The following LRRN3 variants were observed in gnomAD, a reference collection of about 807,000 sequenced individuals.
LRRN3 encodes the protein leucine-rich repeat neuronal protein 3.
LRRN3 carries 15 observed loss-of-function variants against 40.1 expected under a neutral mutation model. The observed-to-expected ratio is 0.37, with a 90% confidence interval of 0.25 to 0.58. The LOEUF (loss-of-function observed/expected upper bound fraction) is 0.58. Among genes scored for constraint, LRRN3 ranks in the 20% least tolerant of loss-of-function variants. The pLI is 0.72. For missense variants in LRRN3, 746 were observed against 837.7 expected, an observed-to-expected ratio of 0.89 and a Z score of 1.35; for synonymous variants, 308 against 297.2, an observed-to-expected ratio of 1.04 and a Z score of -0.37.
chr7:111,105,341 C>T (rs1004170856), intron 2 of LRRN3, among the ~76,000 whole-genome samples: 4 of 151,812 alleles, frequency 2.6e-5, no homozygotes, highest in Non-Finnish European at 5.9e-5. Flanking sequence ...CTCAGAAACT[C>T]CGAAATTATG....
At chr7:111,119,356 C>T (rs1800298970) in intron 2 of LRRN3, among the ~76,000 whole-genome samples, 1 of 152,158 alleles carries the variant, frequency 6.6e-6, no homozygotes, top group Admixed American at 6.6e-5. Flanking sequence ...TGTTTCCCCT[C>T]CAGACTGAAA....
intron 2 of LRRN3, among the ~76,000 whole-genome samples, chr7:111,104,519 G>A (rs1586291550): frequency 1.3e-5 from 2 of 151,686 alleles, no homozygotes; most frequent in South Asian, 2.1e-4. Flanking sequence ...TTTTTAAAAG[G>A]CTGAGGGGAC....
intron 2 of LRRN3, among the ~76,000 whole-genome samples, chr7:111,102,406 T>C: frequency 6.6e-6 from 1 of 151,576 alleles, no homozygotes; most frequent in Non-Finnish European, 1.5e-5. Flanking sequence ...TGCTGGAGTT[T>C]AGCAGAAGCA....
In LRRN3 at chr7:111,124,940, A is replaced by G. The variant is rs1586448528; in HGVS notation, c.*41A>G. The G allele has an allele frequency of 7.1e-7, 1 of 1,412,772 alleles. No individual in the cohort carries two copies. Among genetic ancestry groups the G allele is most frequent in the Non-Finnish European group, 9.6e-7 (1 of 1,046,956 alleles). The allele number at this position is 1,412,772 out of a possible 1,614,324, so 87.5% of individuals were successfully genotyped here. On this transcript the variant is annotated 3_prime_UTR_variant, in exon 3 of 3. Transcript: ENST00000308478. ...CCTACTCCAAAAATGAACAAAAAAA[A>G]AAAAAGCGAAAGACTGCAGTTGTGC...
chr7:111,121,933 A>ATGGATGAAGCTGGAAATCATCATTCT (rs1329125131), intron 2 of LRRN3, among the ~76,000 whole-genome samples: 3 of 152,144 alleles, frequency 2.0e-5, no homozygotes, highest in Non-Finnish European at 4.4e-5. Context: ...TTGTAGGGAC[A>ATGGATGAAGCTGGAAATCATCATTCT]TGGATGAAGC....
At chr7:111,091,625 T>G (rs1337151685) in intron 1 of LRRN3, 121 bp downstream of exon 1, 2 of 152,218 alleles carry the variant, frequency 1.3e-5, no homozygotes, top group African/African-American at 2.4e-5. Flanking sequence ...TAAGAGCATT[T>G]TTCTTTTATT....
chr7:111,118,009 C>T (rs1300598195), intron 2 of LRRN3, among the ~76,000 whole-genome samples: 1 of 152,072 alleles, frequency 6.6e-6, no homozygotes, highest in Non-Finnish European at 1.5e-5. Context: ...CACTATACCC[C>T]AGCTGATTTT....
intron 2 of LRRN3, among the ~76,000 whole-genome samples, chr7:111,105,944 C>T (rs919597497): frequency 1.7e-4 from 26 of 152,028 alleles, no homozygotes; most frequent in African/African-American, 6.3e-4. Flanking sequence ...GAATACACAA[C>T]ATCTCAATTC....
intron 2 of LRRN3, among the ~76,000 whole-genome samples, 155 bp from the exon 3 acceptor site, chr7:111,122,256 AAGAT>A (rs1181954385): frequency 6.6e-6 from 1 of 152,208 alleles, no homozygotes; most frequent in Non-Finnish European, 1.5e-5. Flanking sequence ...AGTCATGAAA[AAGAT>A]AAAGTCACCA....
chr7:111,091,887 G>C (rs544859191), intron 1 of LRRN3, among the ~76,000 whole-genome samples: 13 of 151,998 alleles, frequency 8.6e-5, no homozygotes, highest in Non-Finnish European at 1.9e-4. Context: ...AGGAGACAGA[G>C]AGGAGAGGAG....
At chr7:111,105,632 T>A (rs2129581294) in intron 2 of LRRN3, among the ~76,000 whole-genome samples, 1 of 152,078 alleles carries the variant, frequency 6.6e-6, no homozygotes, top group African/African-American at 2.4e-5. Flanking sequence ...GTATTTTTGT[T>A]GTTCCTCCTA....
At chr7:111,096,221 A>G (rs916327514) in intron 1 of LRRN3, among the ~76,000 whole-genome samples, 1 of 151,904 alleles carries the variant, frequency 6.6e-6, no homozygotes, top group Non-Finnish European at 1.5e-5. Flanking sequence ...CATCTTTAAG[A>G]CAGGAGAATG....
In LRRN3 at chr7:111,104,578, A is replaced by G. The variant is rs570524690; in HGVS notation, c.-359+4616A>G. Among the ~76,000 whole-genome samples, 26 of 150,316 alleles carry G rather than the reference A, an allele frequency of 1.7e-4. No individual in the cohort carries two copies. The South Asian group carries it at 5.4e-3, about 31-fold the overall frequency. On this transcript the variant is annotated intron_variant, in intron 2 of 2. Transcript: ENST00000308478. The stretch of plus-strand genomic sequence containing the variant: ...TGGTTGCCAGCAATAGTTGTAAATC[A>G]TGCTAAATAACAGAAAAGTCTCATC...
At chr7:111,112,495 G>A (rs1799355221) in intron 2 of LRRN3, among the ~76,000 whole-genome samples, 1 of 152,108 alleles carries the variant, frequency 6.6e-6, no homozygotes, top group African/African-American at 2.4e-5. Flanking sequence ...GCACAAACAT[G>A]CACACAGCCA....
intron 2 of LRRN3, among the ~76,000 whole-genome samples, chr7:111,109,154 C>G (rs565612093): frequency 6.6e-6 from 1 of 152,034 alleles, no homozygotes; most frequent in Non-Finnish European, 1.5e-5. Context: ...GAATTAAAGA[C>G]CAAATTAAAG....
At position 111,123,508 on chromosome 7, in the gene LRRN3, A is replaced by G. The variant is rs201219640; in HGVS notation, c.736A>G (p.Asn246Asp). The change falls in exon 3 of 3, where the codon AAC becomes GAC. Residue 246 changes from asparagine to aspartate, a missense_variant. Physicochemically the swap from Asn to Asp is conservative, Grantham distance 23. Coordinates refer to ENST00000308478, the MANE Select transcript of LRRN3 (RefSeq NM_001099658.2). This position sits in a 1 kb window ranked among gnomAD's most constrained non-coding sequence, Gnocchi z 6.4. Reference protein sequence around the residue: ...ENLESISFYDNRLIKVPHVAL... With the variant: ...ENLESISFYDDRLIKVPHVAL... ...CTTAGAAAGCATCTCTTTTTACGAT[A>G]ACAGGCTTATTAAAGTACCCCATGT... The G allele has an allele frequency of 7.4e-5, 119 of 1,613,940 alleles. No individual in the cohort carries two copies. The East Asian group carries it at 2.5e-3, about 34-fold the overall frequency.
At chr7:111,104,386 A>G (rs560084496) in intron 2 of LRRN3, among the ~76,000 whole-genome samples, 2 of 151,984 alleles carry the variant, frequency 1.3e-5, no homozygotes, top group South Asian at 4.1e-4. Flanking sequence ...TAGATTTACC[A>G]AACTCTACAT....
rs181497195 is a variant in LRRN3, at chr7:111,122,559, T to C, written c.-214T>C. On this transcript the variant is annotated 5_prime_UTR_variant, in exon 3 of 3. An upstream open reading frame in the 5' UTR loses its in-frame stop. Transcript: ENST00000308478. The stretch of plus-strand genomic sequence containing the variant: ...CATCAATATTATATCATTAAGGAAA[T>C]AGTAACCTTCTCTTCTCCAATATGC... 3.7e-5 allele frequency: 20 copies of C among 542,712 alleles called. No homozygotes were observed. The highest frequency in any genetic ancestry group is 2.5e-4 in the African/African-American group (13 of 52,926). 33.6% of individuals were successfully genotyped at this position (542,712 alleles called of 1,614,324 possible). A position where few individuals can be genotyped will look rare whatever the true frequency, so the allele number is the denominator to read the frequency against.
chr7:111,120,230 T>C (rs541947257), intron 2 of LRRN3, among the ~76,000 whole-genome samples: 50 of 152,206 alleles, frequency 3.3e-4, no homozygotes, highest in African/African-American at 8.9e-4. Context: ...ATGCTGCTAA[T>C]AGAGACATAT....
Sources: gnomAD v4.1 joint callset for allele counts (sites outside exome capture counted in the v4.1 genomes callset) on GRCh38, gnomAD v4.1.1 for gene constraint, Gnocchi (gnomAD v3.1) non-coding constraint, MANE v1.5 for transcripts, NCBI Gene and HGNC (gene_info 2026-07-23, HGNC 2026-07-21) for gene names.